The following ALCAM variants were observed in gnomAD, a reference collection of about 807,000 sequenced individuals.
ALCAM encodes the protein CD166 antigen.
A neutral mutation model predicts 70.9 loss-of-function variants in ALCAM; 30 were observed. The observed-to-expected ratio is 0.42, with a 90% CI of 0.32 to 0.57. The LOEUF is 0.57. Ranked by LOEUF, ALCAM falls within the 20% of genes least tolerant of loss-of-function variation. The pLI is 0.11. For synonymous variants in ALCAM, 249 were observed against 242.5 expected (o/e 1.03, Z -0.25); for missense variants, 591 against 695.1 (o/e 0.85, Z 1.68).
chr3:105,523,056 C>G (rs1000239566), intron 2 of ALCAM, among the ~76,000 whole-genome samples: 3 of 137,744 alleles, frequency 2.2e-5, no homozygotes, highest in Non-Finnish European at 4.6e-5. Flanking sequence ...GGGAGAATGG[C>G]GTGAACCCGG....
At chr3:105,524,206 G>T in intron 2 of ALCAM, 83 bp from the exon 3 acceptor site, 1 of 1,160,786 alleles carries the variant, frequency 8.6e-7, no homozygotes, top group South Asian at 1.6e-5. Context: ...GGTAGAATAT[G>T]GCCAAGGAAA....
At chr3:105,472,803 A>G (rs545979673) in intron 1 of ALCAM, among the ~76,000 whole-genome samples, 1 of 151,626 alleles carries the variant, frequency 6.6e-6, no homozygotes, top group South Asian at 2.1e-4. Flanking sequence ...GCCACCAACT[A>G]CTGTCTGATC....
intron 11 of ALCAM, among the ~76,000 whole-genome samples, 196 bp downstream of exon 11, chr3:105,547,719 G>C (rs1421796249): frequency 1.3e-5 from 2 of 151,374 alleles, no homozygotes; most frequent in Non-Finnish European, 3.0e-5. Context: ...GGAAGAACAT[G>C]GCTCAAAGAG....
At chr3:105,436,452 C>T (rs775785791) in intron 1 of ALCAM, among the ~76,000 whole-genome samples, 1 of 152,046 alleles carries the variant, frequency 6.6e-6, no homozygotes, top group Admixed American at 6.6e-5. Context: ...CTCAGCCTCC[C>T]GAGTAGCTGG....
chr3:105,407,654 T>A (rs924584888), intron 1 of ALCAM, among the ~76,000 whole-genome samples: 1 of 152,116 alleles, frequency 6.6e-6, no homozygotes, highest in Non-Finnish European at 1.5e-5. Flanking sequence ...CCCAGATAAC[T>A]GGAACAAGAT....
At chr3:105,539,896 A>C in intron 6 of ALCAM, 79 bp from the exon 7 acceptor site, 1 of 1,431,004 alleles carries the variant, frequency 7.0e-7, no homozygotes, top group South Asian at 1.4e-5. Flanking sequence ...ATTATGTATA[A>C]TTTAGTCATT....
chr3:105,541,193 A>G lies in ALCAM; in HGVS notation c.859-440A>G, dbSNP rs926061972. ...CCTTTCTTTCTTTCTCATTCTTCTCATTTCATCCTTTCTTCCTTTTTACTT... is the reference window on the plus strand; with the variant it reads ...CCTTTCTTTCTTTCTCATTCTTCTCGTTTCATCCTTTCTTCCTTTTTACTT... On this transcript the variant is annotated intron_variant, in intron 7 of 15. Transcript: ENST00000306107. Among the ~76,000 whole-genome samples the G allele has an allele frequency of 7.9e-5, 10 of 126,342 alleles. No individual in the cohort carries two copies. In the Admixed American group the frequency reaches 8.2e-4, roughly 10 times the overall value. 82.9% of individuals were successfully genotyped at this position (126,342 alleles called of 152,430 possible).
chr3:105,550,974 T>G (rs1288412254), intron 12 of ALCAM, among the ~76,000 whole-genome samples: 1 of 151,594 alleles, frequency 6.6e-6, no homozygotes, highest in East Asian at 1.9e-4. Context: ...CCTATTGTTT[T>G]GTCAACCTTA....
intron 1 of ALCAM, among the ~76,000 whole-genome samples, chr3:105,453,946 A>C (rs1009757080): frequency 2.0e-5 from 3 of 152,138 alleles, no homozygotes; most frequent in Non-Finnish European, 4.4e-5. Flanking sequence ...ACACAAACTA[A>C]AATTGTGTCC....
intron 1 of ALCAM, among the ~76,000 whole-genome samples, chr3:105,417,441 T>A (rs1368455423): frequency 6.6e-6 from 1 of 151,360 alleles, no homozygotes; most frequent in Non-Finnish European, 1.5e-5. Flanking sequence ...ATAGATATTT[T>A]GTATTATATA....
intron 2 of ALCAM, among the ~76,000 whole-genome samples, chr3:105,521,826 A>T (rs993202424): frequency 6.6e-6 from 1 of 152,212 alleles, no homozygotes; most frequent in Non-Finnish European, 1.5e-5. Flanking sequence ...AAGGCAGCAC[A>T]GCATTTCTCT....
intron 1 of ALCAM, among the ~76,000 whole-genome samples, chr3:105,433,028 T>C (rs1266396391): frequency 6.6e-6 from 1 of 152,140 alleles, no homozygotes; most frequent in Non-Finnish European, 1.5e-5. Context: ...GAAGTGGCCA[T>C]ATAGGAAAGC....
intron 6 of ALCAM, among the ~76,000 whole-genome samples, chr3:105,539,024 T>TA (rs568751577): frequency 2.2e-4 from 34 of 151,966 alleles, no homozygotes; most frequent in East Asian, 5.8e-4. Flanking sequence ...TGTTAGCTAA[T>TA]AAAAAAAATA....
At chr3:105,507,180 C>A (rs1939102143) in intron 1 of ALCAM, among the ~76,000 whole-genome samples, 4 of 152,082 alleles carry the variant, frequency 2.6e-5, no homozygotes, top group Admixed American at 2.6e-4. Context: ...AATTCCCTGC[C>A]TCCCCACCCC....
At position 105,389,525 on chromosome 3, in the gene ALCAM, T is replaced by G. The variant is rs1935756432; in HGVS notation, c.73+22044T>G. Among the ~76,000 whole-genome samples, 3 of 151,364 alleles carry G rather than the reference T, an allele frequency of 2.0e-5. No individual in the cohort carries two copies. The Admixed American group carries it at 2.0e-4, about 10-fold the overall frequency. On this transcript the variant is annotated intron_variant, in intron 1 of 15. Coordinates refer to ENST00000306107, the MANE Select transcript of ALCAM (RefSeq NM_001627.4). ...ATCTGATTTGAATATTTATAATGTG[T>G]ACATTATTTTAAAATAAACTACTAG... is the stretch of plus-strand genomic sequence containing the variant.
intron 1 of ALCAM, among the ~76,000 whole-genome samples, chr3:105,449,975 T>C (rs1937387675): frequency 6.6e-6 from 1 of 152,148 alleles, no homozygotes; most frequent in African/African-American, 2.4e-5. Context: ...TTGTGTTCTA[T>C]ATTGCATCTC....
At chr3:105,443,118 G>T (rs914764046) in intron 1 of ALCAM, among the ~76,000 whole-genome samples, 1 of 152,082 alleles carries the variant, frequency 6.6e-6, no homozygotes, top group Admixed American at 6.5e-5. Flanking sequence ...AAGCTACCTC[G>T]CCCAGCCAAG....
Position 105,470,352 on chromosome 3 carries a change from C to CA in ALCAM, c.74-49706dup, listed in dbSNP as rs74893109. 1.5e-4 allele frequency among the ~76,000 whole-genome samples: 22 copies of CA among 147,958 alleles called. No individual in the cohort carries two copies. In the South Asian group the frequency reaches 2.5e-3, roughly 17 times the overall value. ...GAGTTTATGCATTTACTTGATAACT[C>CA]AAAAAAAAACACATATGGTAAATTA... On this transcript the variant is annotated intron_variant, in intron 1 of 15. Transcript: ENST00000306107.
At chr3:105,544,060 T>A (rs1247400131) in intron 8 of ALCAM, among the ~76,000 whole-genome samples, 1 of 151,590 alleles carries the variant, frequency 6.6e-6, no homozygotes, top group Non-Finnish European at 1.5e-5. Context: ...CAAGTTGCAA[T>A]TATGACATTT....
Sources: gnomAD v4.1 joint callset for allele counts (sites outside exome capture counted in the v4.1 genomes callset) on GRCh38, gnomAD v4.1.1 for gene constraint, MANE v1.5 for transcripts, NCBI Gene and HGNC (gene_info 2026-07-23, HGNC 2026-07-21) for gene names.